Variants in FBXL20 observed in about 807,000 individuals in gnomAD.
FBXL20 encodes the protein F-box and leucine rich repeat protein 20.
In FBXL20, 11 loss-of-function variants were observed where a neutral mutation model predicts 64.0. That is an observed-to-expected ratio of 0.17 (90% CI 0.11 to 0.28). FBXL20 has a LOEUF of 0.28. FBXL20 is among the 10% of genes least tolerant of loss of function. The pLI, the probability that FBXL20 is intolerant of heterozygous loss-of-function variation, is 1.00. For synonymous variants in FBXL20, 184 were observed against 189.0 expected (o/e 0.97, Z 0.22); for missense variants, 303 against 526.2 (o/e 0.58, Z 4.15).
At chr17:39,269,141 G>T (rs548783202) in intron 11 of FBXL20, among the ~76,000 whole-genome samples, 1 of 152,036 alleles carries the variant, frequency 6.6e-6, no homozygotes, top group African/African-American at 2.4e-5. Flanking sequence ...CTCCCAATTA[G>T]CTGGGACTAT....
chr17:39,399,344 A>C (rs1202739026), intron 1 of FBXL20, among the ~76,000 whole-genome samples: 1 of 152,234 alleles, frequency 6.6e-6, no homozygotes, highest in East Asian at 1.9e-4. Context: ...CTTTTATTGA[A>C]AGTAAATATT....
intron 12 of FBXL20, 149 bp from the exon 13 acceptor site, chr17:39,265,602 G>T: frequency 2.0e-6 from 1 of 490,478 alleles, no homozygotes; most frequent in Non-Finnish European, 3.5e-6. Flanking sequence ...AAACTTCTGG[G>T]CTCAAGCAAT....
At chr17:39,355,301 G>T (rs1291816963) in intron 1 of FBXL20, among the ~76,000 whole-genome samples, 1 of 151,564 alleles carries the variant, frequency 6.6e-6, no homozygotes, top group Non-Finnish European at 1.5e-5. Flanking sequence ...TGAGGTGGGT[G>T]GACTGTTTGA....
In FBXL20 at chr17:39,254,582, G is replaced by A. The variant is rs2046678244; in HGVS notation, c.*6878C>T. On this transcript the variant is annotated 3_prime_UTR_variant, in exon 15 of 15. Transcript: ENST00000264658. Reference sequence around the variant, plus strand: ...CTTTCGGTGGTGCCAAAACCTATCTGTTTGACTGGTTAAGTGTGTAGAAAG... The same window carrying A: ...CTTTCGGTGGTGCCAAAACCTATCTATTTGACTGGTTAAGTGTGTAGAAAG... The A allele has an allele frequency of 6.5e-6, 1 of 154,262 alleles. No individual in the cohort carries two copies. Among genetic ancestry groups the A allele is most frequent in the South Asian group, 2.0e-4 (1 of 4,894 alleles). 9.6% of individuals were successfully genotyped at this position (154,262 alleles called of 1,614,324 possible).
Position 39,401,239 on chromosome 17 carries a change from A to G in FBXL20, c.42+122T>C, listed in dbSNP as rs556691636. ...GCAAGAAAGGGGAGCGGAGTCTGGC[A>G]GCCCCGCCAGTGGGTGGGTGACGGC... On this transcript the variant is annotated intron_variant, in intron 1 of 14. Coordinates refer to ENST00000264658, the MANE Select transcript of FBXL20 (RefSeq NM_032875.3). 7.0e-6 allele frequency: 11 copies of G among 1,562,796 alleles called. No individual in the cohort carries two copies. In the South Asian group the frequency reaches 1.0e-4, roughly 15 times the overall value.
chr17:39,280,453 T>C (rs1429355364), intron 9 of FBXL20, among the ~76,000 whole-genome samples: 1 of 146,586 alleles, frequency 6.8e-6, no homozygotes, highest in Non-Finnish European at 1.5e-5. Context: ...ATCCCAGCAA[T>C]GCAGAAGGCT....
intron 9 of FBXL20, among the ~76,000 whole-genome samples, chr17:39,279,464 T>C (rs998498960): frequency 4.1e-5 from 6 of 146,912 alleles, no homozygotes; most frequent in Non-Finnish European, 7.4e-5. Flanking sequence ...ATGCCACTAA[T>C]AGTCCAGTCT....
intron 5 of FBXL20, among the ~76,000 whole-genome samples, chr17:39,298,695 T>C (rs1287925932): frequency 1.3e-5 from 2 of 152,058 alleles, no homozygotes; most frequent in African/African-American, 2.4e-5. Flanking sequence ...GCCTGGGTGA[T>C]AGTGTGAGAC....
At chr17:39,300,514 A>G (rs896990858) in intron 4 of FBXL20, among the ~76,000 whole-genome samples, 1 of 152,174 alleles carries the variant, frequency 6.6e-6, no homozygotes, top group Non-Finnish European at 1.5e-5. Context: ...AGAGGAGGAA[A>G]AAACTTCTCT....
chr17:39,342,876 T>C lies in FBXL20; in HGVS notation c.104+304A>G, dbSNP rs2047596315. On this transcript the variant is annotated intron_variant, in intron 2 of 14. Transcript: ENST00000264658. Reference sequence around the variant, plus strand: ...CAGCCTGGATGACAGAGCAAGACCCTGTCTCAAAACCAAACAAACAAAAAA... The same window carrying C: ...CAGCCTGGATGACAGAGCAAGACCCCGTCTCAAAACCAAACAAACAAAAAA... 2.0e-5 allele frequency among the ~76,000 whole-genome samples: 3 copies of C among 152,084 alleles called. No homozygotes were observed. In the South Asian group the frequency reaches 6.2e-4, roughly 31 times the overall value.
rs577173352 is a variant in FBXL20, at chr17:39,268,709, G to C, written c.933+118C>G. On this transcript the variant is annotated intron_variant, in intron 12 of 14. Coordinates refer to ENST00000264658, the MANE Select transcript of FBXL20 (RefSeq NM_032875.3). ...AGATACCTTACTTAATGGGGAATCT[G>C]CAATGCTGTCAGGCACTACAGTATC... 3.9e-6 allele frequency: 3 copies of C among 768,364 alleles called. No individual in the cohort carries two copies. In the South Asian group the frequency reaches 5.7e-5, roughly 15 times the overall value. 47.6% of individuals were successfully genotyped at this position (768,364 alleles called of 1,614,324 possible).
At chr17:39,305,131 A>T (rs76457657) in intron 2 of FBXL20, among the ~76,000 whole-genome samples, 1,773 of 152,340 alleles carry the variant, frequency 0.012, 13 homozygotes, top group Middle Eastern at 0.041. Context: ...AGCCTAAAAA[A>T]CAGCAATGAA....
At chr17:39,262,260 T>C (rs1184395894) in intron 14 of FBXL20, among the ~76,000 whole-genome samples, 1 of 152,080 alleles carries the variant, frequency 6.6e-6, no homozygotes, top group East Asian at 1.9e-4. Context: ...CTCAAGGCCA[T>C]GTGGCCAACG....
intron 1 of FBXL20, among the ~76,000 whole-genome samples, chr17:39,360,217 C>T (rs1567895537): frequency 1.3e-5 from 2 of 151,982 alleles, no homozygotes; most frequent in Non-Finnish European, 2.9e-5. Context: ...TGGTGGTTGG[C>T]AGGGGCTAAA....
chr17:39,264,363 T>C lies in FBXL20; in HGVS notation c.1015A>G (p.Thr339Ala). The C allele has an allele frequency of 6.2e-7, 1 of 1,613,568 alleles. No homozygotes were observed. The highest frequency in any genetic ancestry group is 8.5e-7 in the Non-Finnish European group (1 of 1,180,020). ...VLSLSHCELI[T>A]DDGIRHLGNG... Reference sequence around the variant, plus strand: ...CCCAGGTGACGAATTCCATCATCTGTGATCAGCTCACAGTGAGACAGACTC... The same window carrying C: ...CCCAGGTGACGAATTCCATCATCTGCGATCAGCTCACAGTGAGACAGACTC... Residue 339 changes from threonine (T) to alanine (A), a missense_variant, in exon 14 of 15, where the codon ACA becomes GCA. Thr to Ala is a moderately conservative substitution (Grantham distance 58, BLOSUM62 0). This residue lies in a region of FBXL20 where 246 missense variants were observed against 422.6 expected (regional missense o/e 0.58). Coordinates refer to ENST00000264658, the MANE Select transcript of FBXL20 (RefSeq NM_032875.3).
chr17:39,305,078 T>C (rs1419482536), intron 2 of FBXL20, among the ~76,000 whole-genome samples: 1 of 151,866 alleles, frequency 6.6e-6, no homozygotes, highest in Non-Finnish European at 1.5e-5. Context: ...AGGATCTTAA[T>C]GAAGTATTTT....
In FBXL20 at chr17:39,306,745, T is replaced by C. The variant is rs368970740; in HGVS notation, c.105-3106A>G. Among the ~76,000 whole-genome samples, 104 of 152,348 alleles carry C rather than the reference T, an allele frequency of 6.8e-4. 1 individual carries two copies. The South Asian group carries it at 0.02, about 29-fold the overall frequency. On this transcript the variant is annotated intron_variant, in intron 2 of 14. Coordinates refer to ENST00000264658, the MANE Select transcript of FBXL20 (RefSeq NM_032875.3). ...AGCAACTGAACTGGTTTCAAGAATC[T>C]TCCCTTAGGTTTTCTTACACATTTA...
At chr17:39,277,325 C>A (rs1447598289) in intron 9 of FBXL20, among the ~76,000 whole-genome samples, 6 of 152,174 alleles carry the variant, frequency 3.9e-5, no homozygotes, top group Non-Finnish European at 8.8e-5. Flanking sequence ...AATCAATACA[C>A]ATGCAAATTT....
chr17:39,349,764 A>G (rs1169736509), intron 1 of FBXL20, among the ~76,000 whole-genome samples: 1 of 151,918 alleles, frequency 6.6e-6, no homozygotes, highest in Non-Finnish European at 1.5e-5. Context: ...GTGAAACCCC[A>G]TCTCTACTAA....
Sources: gnomAD v4.1 joint callset for allele counts (sites outside exome capture counted in the v4.1 genomes callset) on GRCh38, gnomAD v4.1.1 for gene constraint, gnomAD v4.1.1 regional missense constraint, MANE v1.5 for transcripts, NCBI Gene and HGNC (gene_info 2026-07-23, HGNC 2026-07-21) for gene names.